Variants in DPYD observed in about 807,000 individuals in gnomAD.
The protein encoded by DPYD is dihydropyrimidine dehydrogenase.
DPYD carries 109 observed loss-of-function variants against 116.2 expected under a neutral mutation model. That is an observed-to-expected ratio of 0.94 (90% confidence interval 0.80 to 1.10). The LOEUF is 1.10. Ranked by LOEUF, DPYD falls within the 50% of genes least tolerant of loss-of-function variation. The probability of loss-of-function intolerance (pLI) is 0.00; values close to 1 mark genes in which losing one functional copy is unlikely to be tolerated. For synonymous variants in DPYD, 440 were observed against 432.0 expected (o/e 1.02, Z -0.23); for missense variants, 1,302 against 1,254.5 (o/e 1.04, Z -0.57).
At chr1:97,805,468 T>C (rs995571484) in intron 3 of DPYD, among the ~76,000 whole-genome samples, 1 of 151,898 alleles carries the variant, frequency 6.6e-6, no homozygotes. Context: ...CAGTTTTGTC[T>C]TCCTTTAAAC....
intron 8 of DPYD, among the ~76,000 whole-genome samples, chr1:97,663,956 C>T (rs912228979): frequency 6.6e-6 from 1 of 151,964 alleles, no homozygotes; most frequent in Non-Finnish European, 1.5e-5. Flanking sequence ...TTTGGATGCT[C>T]TTATATTGTG....
chr1:97,794,159 A>T (rs1667456126), intron 3 of DPYD, among the ~76,000 whole-genome samples: 1 of 152,144 alleles, frequency 6.6e-6, no homozygotes, highest in Non-Finnish European at 1.5e-5. Flanking sequence ...ACTAGCCTCA[A>T]ACTCCTGGGC....
At chr1:97,870,892 C>A (rs1000274867) in intron 2 of DPYD, among the ~76,000 whole-genome samples, 1 of 151,720 alleles carries the variant, frequency 6.6e-6, no homozygotes, top group Non-Finnish European at 1.5e-5. Context: ...TGGGTTCCAC[C>A]GATTAGTGTT....
intron 19 of DPYD, among the ~76,000 whole-genome samples, chr1:97,232,617 GGCCAATTTCTATT>G (rs1434575378): frequency 8.6e-5 from 13 of 151,108 alleles, no homozygotes; most frequent in Non-Finnish European, 1.3e-4. Context: ...TTTTCATATT[GGCCAATTTCTATT>G]GCCAATTTCT....
chr1:97,581,572 T>C (rs567975849), intron 10 of DPYD, among the ~76,000 whole-genome samples: 11 of 151,048 alleles, frequency 7.3e-5, no homozygotes, highest in Non-Finnish European at 1.5e-4. Context: ...AGAAACCTCA[T>C]CTCTACTAAA....
intron 18 of DPYD, among the ~76,000 whole-genome samples, chr1:97,273,424 C>T (rs929263188): frequency 6.6e-6 from 1 of 152,242 alleles, no homozygotes; most frequent in East Asian, 1.9e-4. Flanking sequence ...CTAAACTACT[C>T]CCTCTCACAA....
At chr1:97,215,462 A>G (rs1188933478) in intron 19 of DPYD, among the ~76,000 whole-genome samples, 1 of 152,190 alleles carries the variant, frequency 6.6e-6, no homozygotes, top group Non-Finnish European at 1.5e-5. Context: ...GCGTCTCTAG[A>G]GAGCCGAAGT....
At chr1:97,533,885 A>T (rs1649816072) in intron 12 of DPYD, among the ~76,000 whole-genome samples, 1 of 152,146 alleles carries the variant, frequency 6.6e-6, no homozygotes, top group African/African-American at 2.4e-5. Context: ...GGTTGTGAAG[A>T]TCAAATGAGA....
At chr1:97,873,784 C>A (rs1209897300) in intron 2 of DPYD, among the ~76,000 whole-genome samples, 1 of 151,860 alleles carries the variant, frequency 6.6e-6, no homozygotes, top group Non-Finnish European at 1.5e-5. Context: ...TTAACACACA[C>A]TAAGATTTCA....
At chr1:97,297,849 C>A (rs1666624456) in intron 18 of DPYD, among the ~76,000 whole-genome samples, 1 of 152,130 alleles carries the variant, frequency 6.6e-6, no homozygotes, top group Admixed American at 6.5e-5. Flanking sequence ...TTTATCCTTG[C>A]CTAACTCACA....
chr1:97,582,108 T>G lies in DPYD; in HGVS notation c.1129-8138A>C, dbSNP rs185787252. Among the ~76,000 whole-genome samples the G allele has an allele frequency of 6.6e-5, 10 of 152,324 alleles. No individual in the cohort carries two copies. In the East Asian group the frequency reaches 1.9e-3, roughly 29 times the overall value. On this transcript the variant is annotated intron_variant, in intron 10 of 22. Coordinates refer to ENST00000370192, the MANE Select transcript of DPYD (RefSeq NM_000110.4). Reference sequence around the variant, plus strand: ...CCTGGAAACGTGAATTTAGGGGGCATAGATCACTATAAAGAGTAATGCAAG... The same window carrying G: ...CCTGGAAACGTGAATTTAGGGGGCAGAGATCACTATAAAGAGTAATGCAAG...
rs184666282 is a variant in DPYD at position 97,156,631 on chromosome 1, G to A, written c.2622+36438C>T. 3.9e-3 allele frequency among the ~76,000 whole-genome samples: 591 copies of A among 152,268 alleles called. 6 individuals are homozygous for A. The highest frequency in any genetic ancestry group is 0.013 in the African/African-American group (555 of 41,554). On this transcript the variant is annotated intron_variant, in intron 20 of 22. Transcript: ENST00000370192. The stretch of plus-strand genomic sequence containing the variant: ...GTCAGTAAACAACAGGTGCTGGAGA[G>A]GATGTGGACAAATAGGTACACTTTT...
chr1:97,418,593 C>A (rs921001624), intron 14 of DPYD, among the ~76,000 whole-genome samples: 1 of 152,090 alleles, frequency 6.6e-6, no homozygotes, highest in African/African-American at 2.4e-5. Flanking sequence ...AGTCACTGCA[C>A]CCAGCCTAAG....
At chr1:97,647,918 G>A (rs1658368303) in intron 8 of DPYD, among the ~76,000 whole-genome samples, 1 of 151,900 alleles carries the variant, frequency 6.6e-6, no homozygotes, top group Non-Finnish European at 1.5e-5. Flanking sequence ...GCCAATTACT[G>A]ATGACTCAAC....
chr1:97,742,125 CAT>C (rs762646664), intron 3 of DPYD, among the ~76,000 whole-genome samples: 2 of 152,040 alleles, frequency 1.3e-5, no homozygotes, highest in African/African-American at 2.4e-5. Flanking sequence ...ACTACTGCCA[CAT>C]GTGTCAGAAA....
rs372995959 is a variant in DPYD, at chr1:97,476,735, T to TA, written c.1741-26513dup. On this transcript the variant is annotated intron_variant, in intron 13 of 22. Coordinates refer to ENST00000370192, the MANE Select transcript of DPYD (RefSeq NM_000110.4). ...TTTAGCATTATCGCAACAAAAATAC[T>TA]AAAAAAAAAACAGCTTATATGTCAA... 5.3e-3 allele frequency among the ~76,000 whole-genome samples: 777 copies of TA among 147,308 alleles called. 6 individuals are homozygous for TA. The highest frequency in any genetic ancestry group is 0.013 in the African/African-American group (520 of 40,220).
intron 3 of DPYD, among the ~76,000 whole-genome samples, chr1:97,779,122 T>C (rs982354239): frequency 6.6e-6 from 1 of 152,150 alleles, no homozygotes; most frequent in Non-Finnish European, 1.5e-5. Context: ...AGGGTATTTT[T>C]AGATTTGGAA....
At chr1:97,337,295 C>A (rs935368672) in intron 16 of DPYD, among the ~76,000 whole-genome samples, 1 of 152,134 alleles carries the variant, frequency 6.6e-6, no homozygotes, top group Non-Finnish European at 1.5e-5. Context: ...AGGAGAAGTT[C>A]TTCTATCTGA....
intron 1 of DPYD, among the ~76,000 whole-genome samples, chr1:97,894,881 TA>T (rs1231264475): frequency 1.3e-5 from 2 of 151,752 alleles, no homozygotes; most frequent in Non-Finnish European, 2.9e-5. Context: ...ATTACATATT[TA>T]AATTAAAACC....
Sources: allele counts gnomAD v4.1 joint callset (sites outside exome capture counted in the v4.1 genomes callset), GRCh38; gene constraint gnomAD v4.1.1; transcripts MANE v1.5; gene names NCBI Gene and HGNC (gene_info 2026-07-23, HGNC 2026-07-21).